The following HFM1 variants were observed in gnomAD, a reference collection of about 807,000 sequenced individuals.
HFM1 encodes the protein probable ATP-dependent DNA helicase HFM1.
HFM1 carries 169 observed loss-of-function variants against 192.1 expected under a neutral mutation model. The ratio of observed to expected loss-of-function variants is 0.88; its 90% confidence interval spans 0.78 to 1.00. HFM1 has a LOEUF of 1.00. HFM1 is among the 50% of genes least tolerant of loss of function. The pLI, the probability that HFM1 is intolerant of heterozygous loss-of-function variation, is 0.00. For missense variants in HFM1, 1,661 were observed against 1,668.0 expected (o/e 1.00, Z 0.07); for synonymous variants, 525 against 537.8 (o/e 0.98, Z 0.33).
intron 20 of HFM1, among the ~76,000 whole-genome samples, chr1:91,327,018 C>A (rs1454995565): frequency 1.3e-5 from 2 of 151,946 alleles, no homozygotes; most frequent in African/African-American, 4.8e-5. Context: ...GAAAGACATA[C>A]AACAGATACA....
At chr1:91,386,035 A>C (rs1325829620) in intron 4 of HFM1, among the ~76,000 whole-genome samples, 2 of 152,126 alleles carry the variant, frequency 1.3e-5, no homozygotes, top group African/African-American at 2.4e-5. Context: ...ACTCAGATAA[A>C]TCCATTTGTG....
At chr1:91,273,900 A>C (rs79093507) in intron 33 of HFM1, 85 bp from the exon 34 acceptor site, 84,696 of 746,918 alleles carry the variant, frequency 0.11, 4,981 homozygotes, top group Admixed American at 0.16. Context: ...TATAAACAAA[A>C]ATAATGATTT....
At chr1:91,372,283 G>A (rs1660324146) in intron 13 of HFM1, among the ~76,000 whole-genome samples, 1 of 152,158 alleles carries the variant, frequency 6.6e-6, no homozygotes. Context: ...AAAGGCACAT[G>A]TGCACGTGTG....
At chr1:91,297,953 T>C (rs6671415) in intron 30 of HFM1, among the ~76,000 whole-genome samples, 1 of 152,076 alleles carries the variant, frequency 6.6e-6, no homozygotes, top group Admixed American at 6.5e-5. Flanking sequence ...ATGACTTTGA[T>C]GAGTTGAGAG....
chr1:91,331,769 G>A (rs1653861797), intron 20 of HFM1, among the ~76,000 whole-genome samples: 2 of 152,100 alleles, frequency 1.3e-5, no homozygotes, highest in Admixed American at 6.5e-5. Flanking sequence ...GATGGCAGGC[G>A]CCTGTAATCC....
chr1:91,358,127 A>G (rs949189975), intron 13 of HFM1, among the ~76,000 whole-genome samples: 1 of 152,126 alleles, frequency 6.6e-6, no homozygotes, highest in Non-Finnish European at 1.5e-5. Flanking sequence ...AGATGGGTGG[A>G]TCACAAGGTC....
intron 13 of HFM1, 46 bp from the exon 14 acceptor site, chr1:91,353,345 T>C (rs774491655): frequency 1.1e-5 from 12 of 1,100,004 alleles, no homozygotes; most frequent in East Asian, 7.3e-5. Context: ...CCAGTAACAT[T>C]AGAGAACTCT....
chr1:91,308,744 T>A (rs2101097220), intron 30 of HFM1, among the ~76,000 whole-genome samples: 1 of 152,268 alleles, frequency 6.6e-6, no homozygotes, highest in South Asian at 2.1e-4. Context: ...TGGTCTTATC[T>A]CTTTGTGGGC....
chr1:91,262,482 A>G lies in HFM1; in HGVS notation c.4085T>C (p.Ile1362Thr). The G allele has an allele frequency of 1.9e-6, 3 of 1,588,036 alleles. No individual in the cohort carries two copies. Among genetic ancestry groups the G allele is most frequent in the East Asian group, 2.2e-5 (1 of 44,622 alleles). ...KLPQQAGNAV[I>T]VHFQERKPQN... ...AAACAAAGAAGTGCTTCTTCTTACA[A>G]TAACTGCATTTCCGGCTTGTTGAGG... Residue 1362 changes from isoleucine to threonine, a missense_variant and splice_region_variant, in exon 37 of 39, where the codon ATT becomes ACT. Transcript: ENST00000370425.
rs762524277 is a variant in HFM1 at position 91,274,741 on chromosome 1, A to C, written c.3657T>G (p.Pro1219=). The C allele has an allele frequency of 2.0e-6, 3 of 1,505,200 alleles. No homozygotes were observed. Among genetic ancestry groups the C allele is most frequent in the Non-Finnish European group, 1.8e-6 (2 of 1,083,120 alleles). 93.2% of individuals were successfully genotyped at this position (1,505,200 alleles called of 1,614,324 possible). Residue 1219 remains proline (P), a synonymous_variant, in exon 33 of 39, where the codon CCT becomes CCG. Transcript: ENST00000370425. Reference sequence around the variant, plus strand: ...CATTATATTTGTACCTTGATATACTAGGAAGGGAAGGTTTTGGAGTAAAAC... The same window carrying C: ...CATTATATTTGTACCTTGATATACTCGGAAGGGAAGGTTTTGGAGTAAAAC... The part of the protein sequence containing the change: ...EFGFTPKPSL[P]SISRSEYLNI...
intron 13 of HFM1, among the ~76,000 whole-genome samples, chr1:91,358,549 AAT>A (rs970937200): frequency 2.3e-4 from 35 of 152,304 alleles, no homozygotes; most frequent in African/African-American, 7.9e-4. Context: ...ATGGGGAAAC[AAT>A]AGTTTCTTCT....
chr1:91,279,801 C>G (rs900858602), intron 30 of HFM1, among the ~76,000 whole-genome samples: 18 of 152,148 alleles, frequency 1.2e-4, no homozygotes, highest in African/African-American at 4.3e-4. Flanking sequence ...TGATTTCCCT[C>G]TCCTTTGGGC....
chr1:91,300,116 C>G (rs1215691933), intron 30 of HFM1, among the ~76,000 whole-genome samples: 1 of 152,070 alleles, frequency 6.6e-6, no homozygotes, highest in Non-Finnish European at 1.5e-5. Flanking sequence ...CCACCGATCC[C>G]ACAGAAATAC....
rs541408517 is a variant in HFM1, at chr1:91,364,098, C to T, written c.1686-10799G>A. ...TGCTGAGCTTAATACCTAGGTTATG[C>T]GATGATTTGTACAGCAATCCACCAT... is the stretch of plus-strand genomic sequence containing the variant. On this transcript the variant is annotated intron_variant, in intron 13 of 38. Coordinates refer to ENST00000370425, the MANE Select transcript of HFM1 (RefSeq NM_001017975.6). Among the ~76,000 whole-genome samples the T allele has an allele frequency of 2.4e-4, 37 of 151,732 alleles. 1 individual carries two copies. Among genetic ancestry groups the T allele is most frequent in the East Asian group, 9.7e-4 (5 of 5,148 alleles).
upstream of HFM1, among the ~76,000 whole-genome samples, chr1:91,406,979 T>G (rs1441683998): frequency 2.6e-5 from 4 of 152,212 alleles, no homozygotes; most frequent in Non-Finnish European, 4.4e-5. Context: ...CAGAGCTCTC[T>G]CTGCACCCAG....
intron 20 of HFM1, among the ~76,000 whole-genome samples, chr1:91,341,551 C>G (rs1655340922): frequency 3.3e-5 from 5 of 151,938 alleles, no homozygotes; most frequent in Admixed American, 3.3e-4. Flanking sequence ...GCAAATCAAC[C>G]CCAAAGCTGG....
chr1:91,352,707 A>G, intron 15 of HFM1, 56 bp from the exon 16 acceptor site: 1 of 1,308,114 alleles, frequency 7.6e-7, no homozygotes, highest in Non-Finnish European at 1.0e-6. Context: ...TGCTTCAGGA[A>G]CATTTTTTAA....
At chr1:91,274,859 T>G in intron 32 of HFM1, 50 bp from the exon 33 acceptor site, 1 of 902,332 alleles carries the variant, frequency 1.1e-6, no homozygotes, top group South Asian at 1.6e-5. Context: ...CATCAATAAC[T>G]TGTAACACAT....
intron 13 of HFM1, among the ~76,000 whole-genome samples, chr1:91,365,153 C>CT (rs754665298): frequency 1.3e-5 from 2 of 151,816 alleles, no homozygotes; most frequent in African/African-American, 2.4e-5. Flanking sequence ...AAAAAGTCAA[C>CT]TATACAGAGA....
Sources: gnomAD v4.1 joint callset for allele counts (sites outside exome capture counted in the v4.1 genomes callset) on GRCh38, gnomAD v4.1.1 for gene constraint, MANE v1.5 for transcripts, NCBI Gene and HGNC (gene_info 2026-07-23, HGNC 2026-07-21) for gene names.